The following PCLO variants were observed in gnomAD, a reference collection of about 807,000 sequenced individuals.
The protein encoded by PCLO is piccolo presynaptic cytomatrix protein.
PCLO carries 82 observed loss-of-function variants against 427.5 expected under a neutral mutation model. The ratio of observed to expected loss-of-function variants is 0.19; its 90% confidence interval spans 0.16 to 0.23. The LOEUF is 0.23. PCLO is among the 10% of genes least tolerant of loss of function. The probability of loss-of-function intolerance (pLI) is 1.00; values close to 1 mark genes in which losing one functional copy is unlikely to be tolerated. For missense variants in PCLO, 6,239 were observed against 6,115.9 expected (o/e 1.02, Z -0.67); for synonymous variants, 2,357 against 2,155.4 (o/e 1.09, Z -2.59).
At chr7:83,059,476 C>T (rs1978178) in intron 3 of PCLO, among the ~76,000 whole-genome samples, 116,172 of 149,644 alleles carry the variant, frequency 0.78, 45,961 homozygotes, top group African/African-American at 0.92. Flanking sequence ...GATAAAAATA[C>T]GTAGATCACA....
chr7:82,876,106 G>A (rs562907277), intron 10 of PCLO, among the ~76,000 whole-genome samples: 1 of 152,146 alleles, frequency 6.6e-6, no homozygotes, highest in East Asian at 1.9e-4. Flanking sequence ...CTGCCTGGAA[G>A]TCATTAAACA....
In PCLO at chr7:82,950,154, ATCT is replaced by A; in HGVS notation, c.10431_10433del (p.Glu3477del). 1 of 1,609,534 alleles carries A rather than the reference ATCT, an allele frequency of 6.2e-7. No individual in the cohort carries two copies. The highest frequency in any genetic ancestry group is 8.5e-7 in the Non-Finnish European group (1 of 1,178,974). ...TAGTAGGCATATCCCACTCATCCTG[ATCT>A]TCATCATCAGTTTGGACGCTTGTAT... On this transcript the variant is annotated inframe_deletion, in exon 6 of 25. Transcript: ENST00000333891.
chr7:83,073,594 G>A (rs1180187885), intron 3 of PCLO, among the ~76,000 whole-genome samples: 1 of 151,896 alleles, frequency 6.6e-6, no homozygotes, highest in African/African-American at 2.4e-5. Flanking sequence ...CAAAGCTGCT[G>A]CCCTCTATTT....
Position 83,144,141 on chromosome 7 carries a change from G to A in PCLO, c.1894-8485C>T, listed in dbSNP as rs574768631. 1.8e-4 allele frequency among the ~76,000 whole-genome samples: 27 copies of A among 152,204 alleles called. No homozygotes were observed. The South Asian group carries it at 3.3e-3, about 19-fold the overall frequency. ...CATACTTTTAAAAATAGATGAAATC[G>A]CCAGGTGCAGAGGCTCATGCCTGTA... On this transcript the variant is annotated intron_variant, in intron 2 of 24. Transcript: ENST00000333891.
intron 9 of PCLO, among the ~76,000 whole-genome samples, chr7:82,897,925 T>C (rs1411182429): frequency 2.0e-5 from 3 of 151,462 alleles, no homozygotes; most frequent in Non-Finnish European, 4.4e-5. Context: ...TCTTTATATG[T>C]GTTACAACTA....
chr7:83,081,709 T>C (rs1189026568), intron 3 of PCLO, among the ~76,000 whole-genome samples: 3 of 151,872 alleles, frequency 2.0e-5, no homozygotes, highest in African/African-American at 7.2e-5. Context: ...ATATAGATAT[T>C]TGAGCCAGCC....
chr7:83,081,850 G>A (rs1790108851), intron 3 of PCLO, among the ~76,000 whole-genome samples: 1 of 151,588 alleles, frequency 6.6e-6, no homozygotes, highest in Non-Finnish European at 1.5e-5. Flanking sequence ...AGAAAAAGAA[G>A]TTATTTTTTG....
In PCLO at chr7:83,158,521, C is replaced by CA. The variant is rs147074191; in HGVS notation, c.249-2130dup. On this transcript the variant is annotated intron_variant, in intron 1 of 24. Transcript: ENST00000333891. Reference sequence around the variant, plus strand: ...ATAAATCTAACTTTAAGCAGAGTACCAAAAAAAAAATCTACCTTAATTATA... The same window carrying CA: ...ATAAATCTAACTTTAAGCAGAGTACCAAAAAAAAAAATCTACCTTAATTATA... Among the ~76,000 whole-genome samples the CA allele has an allele frequency of 1.7e-3, 255 of 148,800 alleles. 1 individual carries two copies. Among genetic ancestry groups the CA allele is most frequent in the South Asian group, 0.015 (71 of 4,726 alleles).
intron 22 of PCLO, among the ~76,000 whole-genome samples, chr7:82,770,033 G>A (rs1173960393): frequency 6.6e-6 from 1 of 152,018 alleles, no homozygotes; most frequent in Non-Finnish European, 1.5e-5. Flanking sequence ...TGCCCTACTA[G>A]CTGTTAATAG....
In PCLO at chr7:82,758,415, T is replaced by A; in HGVS notation, c.*160A>T. ...TTTTCAGTTGAATATCTTTGTGTGA[T>A]CCACAACAATAAATGTACAAGGTCT... is the stretch of plus-strand genomic sequence containing the variant. On this transcript the variant is annotated 3_prime_UTR_variant, in exon 25 of 25. Transcript: ENST00000333891. 1 of 540,748 alleles carries A rather than the reference T, an allele frequency of 1.8e-6. No homozygotes were observed. Among genetic ancestry groups the A allele is most frequent in the Non-Finnish European group, 3.2e-6 (1 of 312,198 alleles). 33.5% of individuals were successfully genotyped at this position (540,748 alleles called of 1,614,324 possible). A position where few individuals can be genotyped will look rare whatever the true frequency, so the allele number is the denominator to read the frequency against.
chr7:83,138,728 TA>T (rs1791791186), intron 2 of PCLO, among the ~76,000 whole-genome samples: 1 of 148,248 alleles, frequency 6.7e-6, no homozygotes, highest in Admixed American at 6.9e-5. Flanking sequence ...AGTGAATGCA[TA>T]AGACAATTTC....
chr7:83,136,054 C>T (rs1375708225), intron 2 of PCLO, among the ~76,000 whole-genome samples: 5 of 151,600 alleles, frequency 3.3e-5, no homozygotes, highest in African/African-American at 4.8e-5. Context: ...GCCGAGATCG[C>T]GCCATTGCAC....
intron 3 of PCLO, among the ~76,000 whole-genome samples, chr7:83,052,968 A>G (rs1789290148): frequency 6.6e-6 from 1 of 151,982 alleles, no homozygotes; most frequent in Non-Finnish European, 1.5e-5. Context: ...TGCTGTCTGA[A>G]TAATTTTTTA....
chr7:83,102,930 T>A (rs1790770065), intron 3 of PCLO, among the ~76,000 whole-genome samples: 1 of 151,904 alleles, frequency 6.6e-6, no homozygotes, highest in African/African-American at 2.4e-5. Flanking sequence ...AGAAGAAACA[T>A]AATATCTACT....
chr7:82,789,952 TCATTTTACATGATGACCATTATCA>T (rs1229604600), intron 22 of PCLO, among the ~76,000 whole-genome samples: 2 of 152,216 alleles, frequency 1.3e-5, no homozygotes, highest in Non-Finnish European at 2.9e-5. Flanking sequence ...TGTTTAGTGA[TCATTTTACATGATGACCATTATCA>T]CATCATTTCA....
Position 82,950,690 on chromosome 7 carries a change from G to C in PCLO, c.9898C>G (p.Gln3300Glu). Residue 3300 changes from glutamine (Q) to glutamate (E), a missense_variant, in exon 6 of 25, where the codon CAA becomes GAA. Physicochemically the swap from Gln to Glu is conservative, Grantham distance 29. Transcript: ENST00000333891. ...TCCAGCTGCTGGTGAAGCTGTTGTTGCAGCTGTTGGATCTGCTCAAGCTGT... is the reference window on the plus strand; with the variant it reads ...TCCAGCTGCTGGTGAAGCTGTTGTTCCAGCTGTTGGATCTGCTCAAGCTGT... ...QLQLEQIQQL[Q>E]QQLHQQLEEQ... 1.2e-6 allele frequency: 2 copies of C among 1,613,772 alleles called. No homozygotes were observed. Among genetic ancestry groups the C allele is most frequent in the Non-Finnish European group, 1.7e-6 (2 of 1,179,772 alleles).
intron 10 of PCLO, among the ~76,000 whole-genome samples, chr7:82,853,802 A>G (rs1487765271): frequency 1.3e-5 from 2 of 152,040 alleles, no homozygotes; most frequent in East Asian, 3.9e-4. Flanking sequence ...AAGTTGGTTA[A>G]TCCTCCTTCA....
intron 3 of PCLO, among the ~76,000 whole-genome samples, chr7:83,098,766 T>C (rs1334182636): frequency 2.0e-5 from 3 of 152,106 alleles, no homozygotes; most frequent in Non-Finnish European, 1.5e-5. Context: ...CCTCTCATGC[T>C]CAAGAAAACA....
At chr7:83,160,614 A>G (rs571106780) in intron 1 of PCLO, among the ~76,000 whole-genome samples, 13 of 152,246 alleles carry the variant, frequency 8.5e-5, no homozygotes, top group Admixed American at 8.5e-4. Flanking sequence ...CTAACTATTG[A>G]TAAGATTTCC....
Sources: gnomAD v4.1 joint callset for allele counts (sites outside exome capture counted in the v4.1 genomes callset) on GRCh38, gnomAD v4.1.1 for gene constraint, MANE v1.5 for transcripts, NCBI Gene and HGNC (gene_info 2026-07-23, HGNC 2026-07-21) for gene names.